GPHN: variants seen among roughly 807,000 people sequenced by gnomAD.
The protein encoded by GPHN is gephyrin.
A neutral mutation model predicts 95.5 loss-of-function variants in GPHN; 17 were observed. The ratio of observed to expected loss-of-function variants is 0.18; its 90% confidence interval spans 0.12 to 0.27. The LOEUF (loss-of-function observed/expected upper bound fraction) is 0.27, where lower values mean the gene tolerates loss of function less well. Ranked by LOEUF, GPHN falls within the 10% of genes least tolerant of loss-of-function variation. The pLI is 1.00. For missense variants in GPHN, 660 were observed against 978.1 expected (o/e 0.67, Z 4.34); for synonymous variants, 320 against 322.5 (o/e 0.99, Z 0.08).
chr14:67,655,027 T>TC, the GPHN span, among the ~76,000 whole-genome samples: 2 of 16,504 alleles, frequency 1.2e-4, no homozygotes, highest in Non-Finnish European at 2.5e-4. Context: ...AGACTCCATC[T>TC]CAAAAAAAAA....
chr14:67,686,745 G>A, the GPHN span, among the ~76,000 whole-genome samples: 1 of 151,864 alleles, frequency 6.6e-6, no homozygotes, highest in Non-Finnish European at 1.5e-5. Context: ...GCTGGGGCCA[G>A]ACATACTTCA....
chr14:67,345,327 C>T, the GPHN span, among the ~76,000 whole-genome samples: 230 of 152,082 alleles, frequency 1.5e-3, no homozygotes, highest in Non-Finnish European at 2.1e-3. Context: ...GAGGCCGAGG[C>T]GGGTGGATCA....
the GPHN span, among the ~76,000 whole-genome samples, chr14:67,463,185 G>A: frequency 7.2e-4 from 110 of 152,346 alleles, no homozygotes; most frequent in African/African-American, 1.3e-3. Flanking sequence ...TTGGGAGGCC[G>A]AGGTGGGAGG....
chr14:66,689,371 T>C (rs956064009), intron 2 of GPHN, among the ~76,000 whole-genome samples: 1 of 152,228 alleles, frequency 6.6e-6, no homozygotes, highest in African/African-American at 2.4e-5. Context: ...AACCATCCCA[T>C]TTATCTCACC....
chr14:66,777,669 T>A (rs571223433), intron 3 of GPHN, among the ~76,000 whole-genome samples: 2,508 of 152,160 alleles, frequency 0.016, 33 homozygotes, highest in Non-Finnish European at 0.025. Context: ...CTGGTTCAAT[T>A]TACGCAAATC....
rs113553471 is a variant in GPHN, at chr14:67,119,786, G to A, written c.1627-2470G>A. ...GCCTGGGCAACAAGAGCTTGATGCT[G>A]TCTCAAAAACAAAAACAAACAACAA... On this transcript the variant is annotated intron_variant, in intron 16 of 22. Coordinates refer to ENST00000478722, the MANE Select transcript of GPHN (RefSeq NM_020806.5). Among the ~76,000 whole-genome samples the A allele has an allele frequency of 3.5e-3, 536 of 152,054 alleles. 8 individuals are homozygous for A. The highest frequency in any genetic ancestry group is 0.012 in the African/African-American group (500 of 41,472).
At chr14:66,549,927 G>A (rs527877592) in intron 1 of GPHN, among the ~76,000 whole-genome samples, 4 of 152,254 alleles carry the variant, frequency 2.6e-5, no homozygotes, top group Non-Finnish European at 5.9e-5. Context: ...AATATTTTAA[G>A]CCTATTATTG....
chr14:67,560,544 G>A, the GPHN span, among the ~76,000 whole-genome samples: 74 of 152,012 alleles, frequency 4.9e-4, 2 homozygotes, highest in East Asian at 0.014. Flanking sequence ...TTCCCCCATC[G>A]CCTGGTAACC....
At chr14:67,380,947 G>A in the GPHN span, among the ~76,000 whole-genome samples, 1 of 152,046 alleles carries the variant, frequency 6.6e-6, no homozygotes, top group Non-Finnish European at 1.5e-5. Flanking sequence ...TTTATATATT[G>A]ACACAAGTAG....
chr14:67,005,742 C>G (rs1006491751), intron 9 of GPHN, among the ~76,000 whole-genome samples: 1 of 151,902 alleles, frequency 6.6e-6, no homozygotes, highest in Non-Finnish European at 1.5e-5. Flanking sequence ...ACTTTCGAAT[C>G]TACCTTTTAA....
At chr14:66,947,884 G>A (rs2067858611) in intron 8 of GPHN, among the ~76,000 whole-genome samples, 1 of 152,194 alleles carries the variant, frequency 6.6e-6, no homozygotes, top group African/African-American at 2.4e-5. Context: ...GAGCCCAGGA[G>A]TTTGAGACTA....
At chr14:67,673,585 T>C in the GPHN span, among the ~76,000 whole-genome samples, 1 of 152,202 alleles carries the variant, frequency 6.6e-6, no homozygotes, top group Non-Finnish European at 1.5e-5. Flanking sequence ...AATAAATATA[T>C]ATTAAATACA....
chr14:67,341,293 C>T, the GPHN span, among the ~76,000 whole-genome samples: 1 of 152,064 alleles, frequency 6.6e-6, no homozygotes, highest in African/African-American at 2.4e-5. Context: ...ACCGCCCCTT[C>T]TGGGAGGTGA....
intron 3 of GPHN, among the ~76,000 whole-genome samples, chr14:66,800,582 T>G (rs938642677): frequency 1.4e-4 from 21 of 151,874 alleles, no homozygotes; most frequent in African/African-American, 5.1e-4. Context: ...TTTGTAGTTT[T>G]TTTTTTATTT....
At chr14:67,133,588 T>A (rs890269587) in intron 17 of GPHN, among the ~76,000 whole-genome samples, 1 of 152,158 alleles carries the variant, frequency 6.6e-6, no homozygotes, top group Non-Finnish European at 1.5e-5. Flanking sequence ...TTAACTTTTT[T>A]AAGTTGCTTT....
the GPHN span, among the ~76,000 whole-genome samples, chr14:67,538,063 T>G: frequency 6.6e-6 from 1 of 152,212 alleles, no homozygotes; most frequent in African/African-American, 2.4e-5. Context: ...GAGGGACTTA[T>G]TGTACTATTC....
chr14:67,005,138 C>G (rs1345525104), intron 9 of GPHN, among the ~76,000 whole-genome samples: 1 of 149,170 alleles, frequency 6.7e-6, no homozygotes, highest in African/African-American at 2.5e-5. Context: ...TATTTTGAGT[C>G]TTATGGAATC....
At chr14:67,343,937 C>G in the GPHN span, among the ~76,000 whole-genome samples, 5 of 152,192 alleles carry the variant, frequency 3.3e-5, no homozygotes, top group Non-Finnish European at 5.9e-5. Flanking sequence ...ACCTACATGT[C>G]ACATTTGGTA....
the GPHN span, chr14:67,571,692 G>A: frequency 6.4e-7 from 1 of 1,569,538 alleles, no homozygotes; most frequent in South Asian, 1.1e-5. Flanking sequence ...GCAAGCTGCA[G>A]GGTTGGGAGA....
Sources: gnomAD v4.1 joint callset for allele counts (sites outside exome capture counted in the v4.1 genomes callset) on GRCh38, gnomAD v4.1.1 for gene constraint, MANE v1.5 for transcripts, NCBI Gene and HGNC (gene_info 2026-07-23, HGNC 2026-07-21) for gene names.